The following NPEPL1 variants were observed in gnomAD, a reference collection of about 807,000 sequenced individuals.
NPEPL1 encodes aminopeptidase like 1, also known as probable aminopeptidase NPEPL1.
Under a neutral mutation model 52.4 loss-of-function variants are expected in NPEPL1, and 45 were observed. That is an observed-to-expected ratio of 0.86 (90% CI 0.68 to 1.10). NPEPL1 has a LOEUF of 1.10. NPEPL1 is among the 50% of genes least tolerant of loss of function. NPEPL1 has a pLI of 0.00. For synonymous variants in NPEPL1, 360 were observed against 314.7 expected, an observed-to-expected ratio of 1.14 and a Z score of -1.52; for missense variants, 696 against 710.9, an observed-to-expected ratio of 0.98 and a Z score of 0.24.
chr20:58,710,885 C>T (rs2084822312), intron 7 of NPEPL1: 2 of 152,416 alleles, frequency 1.3e-5, no homozygotes, highest in African/African-American at 2.4e-5. Flanking sequence ...AGGACTGCAG[C>T]TCGCTCGTCT....
In NPEPL1 at chr20:58,715,616, G is replaced by T. The variant is rs981311883; in HGVS notation, c.*290G>T. ...TCTGCACCCCGGGGTGAGGCCTCCT[G>T]CCTGCCTGGTGCCCTGTCCCAGCCC... On this transcript the variant is annotated 3_prime_UTR_variant, in exon 12 of 12. Coordinates refer to ENST00000356091, the MANE Select transcript of NPEPL1 (RefSeq NM_024663.4). 1 of 272,388 alleles carries T rather than the reference G, an allele frequency of 3.7e-6. No individual in the cohort carries two copies. Among genetic ancestry groups the T allele is most frequent in the Non-Finnish European group, 6.9e-6 (1 of 144,922 alleles). The allele number at this position is 272,388 out of a possible 1,614,324, so 16.9% of individuals were successfully genotyped here. A position where few individuals can be genotyped will look rare whatever the true frequency, so the allele number is the denominator to read the frequency against.
intron 5 of NPEPL1, among the ~76,000 whole-genome samples, chr20:58,700,185 CT>C (rs1204878776): frequency 6.6e-6 from 1 of 152,224 alleles, no homozygotes; most frequent in African/African-American, 2.4e-5. Flanking sequence ...AAACTCCCAT[CT>C]TTTTCTGTGA....
Position 58,713,409 on chromosome 20 carries a change from C to A in NPEPL1, c.1002-11C>A. On this transcript the variant is annotated splice_polypyrimidine_tract_variant and intron_variant, in intron 8 of 11. Coordinates refer to ENST00000356091, the MANE Select transcript of NPEPL1 (RefSeq NM_024663.4). The surrounding 1 kb of genome is among the most constrained non-coding windows in gnomAD (Gnocchi z 4.6). Reference sequence around the variant, plus strand: ...TCCCGTCCCTGAGCGGGGATCTCTACCATGCCCCAGGACGGTGGAAATCAA... The same window carrying A: ...TCCCGTCCCTGAGCGGGGATCTCTAACATGCCCCAGGACGGTGGAAATCAA... 6.3e-7 allele frequency: 1 copy of A among 1,593,218 alleles called. No homozygotes were observed. Among genetic ancestry groups the A allele is most frequent in the Non-Finnish European group, 8.6e-7 (1 of 1,168,034 alleles).
upstream of NPEPL1, chr20:58,691,277 T>C: frequency 1.5e-6 from 1 of 659,652 alleles, no homozygotes; most frequent in East Asian, 2.7e-5. Flanking sequence ...TGTAAAATCT[T>C]TTGAAGAAAA....
Position 58,701,377 on chromosome 20 carries a change from G to A in NPEPL1, c.822+219G>A, listed in dbSNP as rs73618613. Reference sequence around the variant, plus strand: ...GCAGGCTCTCCAGGGTGCCCTGGGGGGGGGGGAGGGGCCCAGTTTGGGTCC... The same window carrying A: ...GCAGGCTCTCCAGGGTGCCCTGGGGAGGGGGGAGGGGCCCAGTTTGGGTCC... On this transcript the variant is annotated intron_variant, in intron 6 of 11. Coordinates refer to ENST00000356091, the MANE Select transcript of NPEPL1 (RefSeq NM_024663.4). Among the ~76,000 whole-genome samples the A allele has an allele frequency of 7.2e-5, 9 of 124,578 alleles. 1 individual carries two copies. The East Asian group carries it at 7.5e-4, about 10-fold the overall frequency. The allele number at this position is 124,578 out of a possible 152,430, so 81.7% of individuals were successfully genotyped here.
intron 6 of NPEPL1, 76 bp from the exon 7 acceptor site, chr20:58,707,047 G>A (rs1347422579): frequency 7.7e-6 from 11 of 1,431,778 alleles, no homozygotes; most frequent in Admixed American, 2.0e-5. Context: ...GGGGCCGGGT[G>A]GGGGTGGGGG....
chr20:58,709,649 G>A (rs960702783), intron 7 of NPEPL1, among the ~76,000 whole-genome samples: 2 of 152,214 alleles, frequency 1.3e-5, no homozygotes, highest in African/African-American at 4.8e-5. Context: ...ATGTCACCAG[G>A]GCAGGGACAG....
chr20:58,702,893 T>G (rs1284707825), intron 6 of NPEPL1, among the ~76,000 whole-genome samples: 3 of 152,218 alleles, frequency 2.0e-5, no homozygotes, highest in Non-Finnish European at 4.4e-5. Context: ...GTGTGTTCAG[T>G]TCTTCAGGGT....
chr20:58,713,542 A>G lies in NPEPL1; in HGVS notation c.1124A>G (p.Gln375Arg). Residue 375 changes from glutamine to arginine, a missense_variant and splice_region_variant, in exon 9 of 12, where the codon CAG becomes CGG. Gln to Arg is a conservative substitution (Grantham distance 43). Coordinates refer to ENST00000356091, the MANE Select transcript of NPEPL1 (RefSeq NM_024663.4). This position sits in a 1 kb window ranked among gnomAD's most constrained non-coding sequence, Gnocchi z 4.6. ...GACATGGCCACCCTGACCGGGGCTC[A>G]GGTGAGTGCTCCCTGGATCCACCCC... ...ILDMATLTGA[Q>R]GIATGKYHAA... is the part of the protein sequence containing the mutation. 1 of 1,601,256 alleles carries G rather than the reference A, an allele frequency of 6.2e-7. No individual in the cohort carries two copies. The highest frequency in any genetic ancestry group is 8.5e-7 in the Non-Finnish European group (1 of 1,172,594).
chr20:58,703,973 C>A, intron 6 of NPEPL1: 1 of 985,400 alleles, frequency 1.0e-6, no homozygotes, highest in Non-Finnish European at 1.2e-6. Context: ...TGAAACAATA[C>A]CTGGTTTTTT....
intron 7 of NPEPL1, among the ~76,000 whole-genome samples, chr20:58,708,071 G>A (rs544697158): frequency 3.6e-3 from 456 of 125,324 alleles, no homozygotes; most frequent in African/African-American, 0.018. Flanking sequence ...GAGATAGAGC[G>A]AGACCCTGTC....
At chr20:58,712,077 C>T (rs1039413785) in intron 7 of NPEPL1, among the ~76,000 whole-genome samples, 7 of 151,448 alleles carry the variant, frequency 4.6e-5, no homozygotes, top group Admixed American at 3.3e-4. Flanking sequence ...TAAACTTCCA[C>T]GAGGCTGAGC....
intron 6 of NPEPL1, chr20:58,703,393 C>T (rs943510515): frequency 1.1e-6 from 1 of 872,008 alleles, no homozygotes. Flanking sequence ...GACTTCTAGT[C>T]GGTTATGATT....
At chr20:58,690,095 ACC>A (rs1289236211), upstream of NPEPL1, among the ~76,000 whole-genome samples, 2 of 152,220 alleles carry the variant, frequency 1.3e-5, no homozygotes, top group African/African-American at 4.8e-5. Flanking sequence ...GATTTCAAAC[ACC>A]TAGAGCCATC....
At chr20:58,714,858 C>A in intron 11 of NPEPL1, 188 bp downstream of exon 11, 2 of 616,996 alleles carry the variant, frequency 3.2e-6, no homozygotes, top group Non-Finnish European at 5.7e-6. Flanking sequence ...TGTGTGCGAC[C>A]CTTCCCCAGC....
chr20:58,692,132 C>T, upstream of NPEPL1: 1 of 423,600 alleles, frequency 2.4e-6, no homozygotes, highest in Admixed American at 4.0e-5. This position sits in a 1 kb window ranked among gnomAD's most constrained non-coding sequence, Gnocchi z 5.7. Flanking sequence ...GGAAGGCCCC[C>T]CATGCAGCCA....
intron 8 of NPEPL1, chr20:58,712,914 G>C: frequency 4.9e-6 from 2 of 408,390 alleles, no homozygotes; most frequent in East Asian, 1.1e-4. Flanking sequence ...TTCCCTGCTC[G>C]GGGACACCTC....
intron 1 of NPEPL1, 35 bp from the exon 2 acceptor site, chr20:58,693,701 GA>G (rs2084401792): frequency 4.5e-6 from 7 of 1,564,790 alleles, no homozygotes; most frequent in Middle Eastern, 1.7e-4. Flanking sequence ...GCCGCTGTTT[GA>G]AGCCTCTGTG....
Position 58,714,676 on chromosome 20 carries a change from T to C in NPEPL1, c.1413+6T>C. ...TTGCTGCACCGGTGCATGCTGTGAG[T>C]GTCTCCCCTCCCCACTGGCCCTGGC... is the stretch of plus-strand genomic sequence containing the variant. On this transcript the variant is annotated splice_donor_region_variant and intron_variant, in intron 11 of 11. Transcript: ENST00000356091. 1 of 1,577,366 alleles carries C rather than the reference T, an allele frequency of 6.3e-7. No individual in the cohort carries two copies. The highest frequency in any genetic ancestry group is 8.6e-7 in the Non-Finnish European group (1 of 1,162,934).
Sources: allele counts gnomAD v4.1 joint callset (sites outside exome capture counted in the v4.1 genomes callset), GRCh38; gene constraint gnomAD v4.1.1; non-coding constraint Gnocchi (gnomAD v3.1); transcripts MANE v1.5; gene names NCBI Gene and HGNC (gene_info 2026-07-23, HGNC 2026-07-21).